Variants in FRMPD1 observed in about 807,000 individuals in gnomAD.
FRMPD1 encodes the protein FERM and PDZ domain containing 1.
Under a neutral mutation model 117.8 loss-of-function variants are expected in FRMPD1, and 76 were observed. The ratio of observed to expected loss-of-function variants is 0.65; its 90% CI spans 0.54 to 0.78. The LOEUF is 0.78. Among genes scored for constraint, FRMPD1 ranks in the 30% least tolerant of loss-of-function variants. The pLI is 0.00. For synonymous variants in FRMPD1, 783 were observed against 770.4 expected, an observed-to-expected ratio of 1.02 and a Z score of -0.27; for missense variants, 1,786 against 1,964.5, an observed-to-expected ratio of 0.91 and a Z score of 1.72.
intron 2 of FRMPD1, among the ~76,000 whole-genome samples, chr9:37,706,935 C>T (rs570537119): frequency 2.4e-4 from 32 of 135,880 alleles, no homozygotes; most frequent in African/African-American, 7.3e-4. Context: ...TCTGTCAGTC[C>T]GTCCATCCAT....
intron 5 of FRMPD1, among the ~76,000 whole-genome samples, chr9:37,713,600 TAG>T (rs1180267224): frequency 1.6e-4 from 24 of 149,480 alleles, no homozygotes; most frequent in South Asian, 2.1e-4. Flanking sequence ...TATATATATG[TAG>T]AGAGAGAGAG....
intron 1 of FRMPD1, among the ~76,000 whole-genome samples, chr9:37,675,973 T>G (rs957636600): frequency 6.6e-6 from 1 of 152,174 alleles, no homozygotes; most frequent in Non-Finnish European, 1.5e-5. Flanking sequence ...CTCTAATCCT[T>G]AAAAGAGGTA....
chr9:37,671,920 C>T (rs574704936), intron 1 of FRMPD1, among the ~76,000 whole-genome samples: 47 of 152,256 alleles, frequency 3.1e-4, no homozygotes, highest in African/African-American at 1.1e-3. Flanking sequence ...GATCTGAGAT[C>T]GTGCCACTGC....
chr9:37,710,716 C>G (rs1822874728), intron 4 of FRMPD1, among the ~76,000 whole-genome samples: 1 of 152,032 alleles, frequency 6.6e-6, no homozygotes, highest in African/African-American at 2.4e-5. Flanking sequence ...CCTGTAATCC[C>G]AGCACTTTGG....
the FRMPD1 span, among the ~76,000 whole-genome samples, chr9:37,614,379 A>G: frequency 6.6e-6 from 1 of 152,254 alleles, no homozygotes. Flanking sequence ...GACAGGCAGG[A>G]TGAAGAATAT....
chr9:37,728,208 G>C (rs1823699004), intron 7 of FRMPD1, among the ~76,000 whole-genome samples: 1 of 152,172 alleles, frequency 6.6e-6, no homozygotes, highest in South Asian at 2.1e-4. Context: ...AAAACACTGA[G>C]GCATAGAGAG....
chr9:37,662,313 C>T (rs1821024767), intron 1 of FRMPD1, among the ~76,000 whole-genome samples: 1 of 152,176 alleles, frequency 6.6e-6, no homozygotes, highest in Non-Finnish European at 1.5e-5. Flanking sequence ...CTATTAGGCC[C>T]CACCGCCCAT....
rs751418524 is a variant in FRMPD1, at chr9:37,719,084, T to G, written c.424T>G (p.Ser142Ala). ...TGTTTTTCAGGGAGTCCCTAAATCG[T>G]CCTTCCTGACCGAGGAGAAGAGAGC... The part of the protein sequence containing the change: ...VRCTSGVPKS[S>A]FLTEEKRARL... The change falls in exon 6 of 16, where the codon TCC becomes GCC. Residue 142 changes from serine to alanine, a missense_variant. By Grantham distance (99) the Ser-to-Ala change is moderately conservative. Coordinates refer to ENST00000377765, the MANE Select transcript of FRMPD1 (RefSeq NM_014907.3). 3 of 1,610,120 alleles carry G rather than the reference T, an allele frequency of 1.9e-6. No homozygotes were observed. The highest frequency in any genetic ancestry group is 1.7e-6 in the Non-Finnish European group (2 of 1,176,352).
intron 1 of FRMPD1, among the ~76,000 whole-genome samples, chr9:37,685,355 G>A (rs1463935456): frequency 6.6e-6 from 1 of 152,088 alleles, no homozygotes; most frequent in East Asian, 1.9e-4. Flanking sequence ...TAATAAATTT[G>A]CCTTTCGGCT....
intron 5 of FRMPD1, among the ~76,000 whole-genome samples, chr9:37,717,341 ATGTGTG>A (rs59852335): frequency 0.18 from 21,828 of 119,858 alleles, 2,518 homozygotes; most frequent in East Asian, 0.28. Context: ...ATGTGTATAT[ATGTGTG>A]TGTGTGTGTG....
chr9:37,612,704 C>A, the FRMPD1 span, among the ~76,000 whole-genome samples: 1 of 152,120 alleles, frequency 6.6e-6, no homozygotes, highest in Admixed American at 6.6e-5. Flanking sequence ...ATTGACCAGG[C>A]TGGTCTCGAA....
rs1227003672 is a variant in FRMPD1, at chr9:37,667,695, A to AAAG, written c.-5+16603_-5+16604insGAA. On this transcript the variant is annotated intron_variant, in intron 1 of 15. Coordinates refer to ENST00000377765, the MANE Select transcript of FRMPD1 (RefSeq NM_014907.3). ...GGAGACTCTGTCTCAAAAAAAGAAA[A>AAAG]AAAAAAAGAAGGTTACCCCTGTGCT... 2.0e-5 allele frequency among the ~76,000 whole-genome samples: 3 copies of AAAG among 151,222 alleles called. No homozygotes were observed. The East Asian group carries it at 5.9e-4, about 30-fold the overall frequency.
rs767263359 is a variant in FRMPD1, at chr9:37,746,472, C to T, written c.4440C>T (p.Asp1480=). 4.3e-6 allele frequency: 7 copies of T among 1,613,570 alleles called. No homozygotes were observed. Among genetic ancestry groups the T allele is most frequent in the South Asian group, 3.3e-5 (3 of 91,084 alleles). Residue 1480 remains aspartate (D), a synonymous_variant, in exon 16 of 16, where the codon GAC becomes GAT. Coordinates refer to ENST00000377765, the MANE Select transcript of FRMPD1 (RefSeq NM_014907.3). ...GCTGTCGGCATGTGATCAGAATGGA[C>T]CAGTCCCCCGAAGAGATGCAGGGGG... ...LSSCRHVIRM[D]QSPEEMQGAV...
intron 2 of FRMPD1, among the ~76,000 whole-genome samples, chr9:37,697,939 A>G (rs547339017): frequency 2.3e-4 from 35 of 152,302 alleles, no homozygotes; most frequent in African/African-American, 8.4e-4. Context: ...ACATAGTGAA[A>G]CCCCGTCTCT....
rs1173872081 is a variant in FRMPD1 at position 37,735,644 on chromosome 9, A to G, written c.1311A>G (p.Thr437=). 5 of 1,613,746 alleles carry G rather than the reference A, an allele frequency of 3.1e-6. No individual in the cohort carries two copies. The highest frequency in any genetic ancestry group is 4.2e-6 in the Non-Finnish European group (5 of 1,179,766). Reference sequence around the variant, plus strand: ...ATAGCAAACTCAACATCATGTCCACATTGGCAGAGTTTGCAAACATCAGCC... The same window carrying G: ...ATAGCAAACTCAACATCATGTCCACGTTGGCAGAGTTTGCAAACATCAGCC... ...VINSKLNIMS[T]LAEFANISRV... The change falls in exon 13 of 16, where the codon ACA becomes ACG. Residue 437 remains threonine, a synonymous_variant. Transcript: ENST00000377765.
At chr9:37,675,477 TAGAA>T (rs1236915080) in intron 1 of FRMPD1, among the ~76,000 whole-genome samples, 1 of 150,270 alleles carries the variant, frequency 6.7e-6, no homozygotes, top group Non-Finnish European at 1.5e-5. Flanking sequence ...GTGGTGGGGA[TAGAA>T]AGAAGTGGAA....
chr9:37,666,020 C>G (rs1269364665), intron 1 of FRMPD1, among the ~76,000 whole-genome samples: 1 of 152,124 alleles, frequency 6.6e-6, no homozygotes, highest in African/African-American at 2.4e-5. Flanking sequence ...CCATACATCT[C>G]CAAAGAGCTC....
chr9:37,683,061 G>A (rs1001784384), intron 1 of FRMPD1, among the ~76,000 whole-genome samples: 3 of 152,026 alleles, frequency 2.0e-5, no homozygotes, highest in South Asian at 2.1e-4. Context: ...CACTGCCTTC[G>A]CAACCACTAA....
At position 37,744,815 on chromosome 9, in the gene FRMPD1, T is replaced by C. The variant is rs983564818; in HGVS notation, c.2783T>C (p.Met928Thr). ...SRVMEMEPET[M>T]ETKSVIDSRV... The stretch of plus-strand genomic sequence containing the variant: ...GTCATGGAGATGGAGCCCGAGACCA[T>C]GGAAACCAAATCAGTCATCGACTCT... Residue 928 changes from methionine (M) to threonine (T), a missense_variant, in exon 16 of 16, where the codon ATG becomes ACG. Physicochemically the swap from Met to Thr is moderately conservative, Grantham distance 81. Transcript: ENST00000377765. 3 of 1,614,038 alleles carry C rather than the reference T, an allele frequency of 1.9e-6. No individual in the cohort carries two copies. In the African/African-American group the frequency reaches 4.0e-5, roughly 22 times the overall value.
Sources: gnomAD v4.1 joint callset for allele counts (sites outside exome capture counted in the v4.1 genomes callset) on GRCh38, gnomAD v4.1.1 for gene constraint, MANE v1.5 for transcripts, NCBI Gene and HGNC (gene_info 2026-07-23, HGNC 2026-07-21) for gene names.